The following ANO3 variants were observed in gnomAD, a reference collection of about 807,000 sequenced individuals.
ANO3 encodes anoctamin-3.
ANO3 carries 99 observed loss-of-function variants against 144.8 expected under a neutral mutation model. The observed-to-expected ratio is 0.68, with a 90% CI of 0.58 to 0.81. ANO3 has a LOEUF of 0.81. Ranked by LOEUF, ANO3 falls within the 30% of genes least tolerant of loss-of-function variation. The pLI, the probability that ANO3 is intolerant of heterozygous loss-of-function variation, is 0.00. For synonymous variants in ANO3, 414 were observed against 392.6 expected, an observed-to-expected ratio of 1.05 and a Z score of -0.64; for missense variants, 905 against 1,202.2, an observed-to-expected ratio of 0.75 and a Z score of 3.66.
At chr11:26,284,067 C>T (rs1024455284) in intron 1 of ANO3, among the ~76,000 whole-genome samples, 3 of 152,084 alleles carry the variant, frequency 2.0e-5, no homozygotes, top group African/African-American at 7.2e-5. Flanking sequence ...GAAGCACAGG[C>T]AGCTCCCAGA....
chr11:26,599,307 G>A (rs1590613767), intron 16 of ANO3, among the ~76,000 whole-genome samples: 1 of 152,270 alleles, frequency 6.6e-6, no homozygotes, highest in Admixed American at 6.5e-5. Context: ...CATTTAAGAG[G>A]ACGTTGGGAA....
At chr11:26,194,278 C>T (rs1208246890) in intron 1 of ANO3, among the ~76,000 whole-genome samples, 4 of 152,084 alleles carry the variant, frequency 2.6e-5, no homozygotes, top group Non-Finnish European at 5.9e-5. Flanking sequence ...GAATATCTGA[C>T]AGTGTGTATA....
chr11:26,271,611 T>C (rs1408076004), intron 1 of ANO3, among the ~76,000 whole-genome samples: 3 of 152,180 alleles, frequency 2.0e-5, no homozygotes. Context: ...CTGTTTTTAT[T>C]TCTTGTATAA....
At chr11:26,422,975 A>G (rs956067623) in intron 1 of ANO3, among the ~76,000 whole-genome samples, 3 of 152,004 alleles carry the variant, frequency 2.0e-5, no homozygotes, top group Non-Finnish European at 4.4e-5. Context: ...GAAAATGAAA[A>G]AGCACCGCAT....
intron 1 of ANO3, among the ~76,000 whole-genome samples, chr11:26,383,849 T>C (rs971093415): frequency 6.7e-6 from 1 of 149,408 alleles, no homozygotes; most frequent in South Asian, 2.1e-4. Context: ...ATATAGCACA[T>C]ACTTTGTGCC....
At position 26,577,331 on chromosome 11, in the gene ANO3, C is replaced by T. The variant is rs201840279; in HGVS notation, c.1447+17552C>T. On this transcript the variant is annotated intron_variant, in intron 14 of 26. Transcript: ENST00000256737. ...GTAATCCCAGCACTTTGGGAGGCTG[C>T]GGTGGGCGGATCACCTGAGGTTAAA... Among the ~76,000 whole-genome samples, 56 of 151,532 alleles carry T rather than the reference C, an allele frequency of 3.7e-4. No individual in the cohort carries two copies. In the East Asian group the frequency reaches 8.2e-3, roughly 22 times the overall value.
Position 26,565,632 on chromosome 11 carries a change from T to C in ANO3, c.1447+5853T>C, listed in dbSNP as rs146911945. On this transcript the variant is annotated intron_variant, in intron 14 of 26. Coordinates refer to ENST00000256737, the MANE Select transcript of ANO3 (RefSeq NM_031418.4). ...TATTCCGTGGCTGTTGTTGGGTAGA[T>C]TCAAAGGAGGGGAATGACTCGCCTT... 199 of 1,613,420 alleles carry C rather than the reference T, an allele frequency of 1.2e-4. No individual in the cohort carries two copies. In the African/African-American group the frequency reaches 2.4e-3, roughly 19 times the overall value.
rs1453625975 is a variant in ANO3, at chr11:26,612,193, CTGTT to C, written c.1837-12263_1837-12260del. On this transcript the variant is annotated intron_variant, in intron 17 of 26. Coordinates refer to ENST00000256737, the MANE Select transcript of ANO3 (RefSeq NM_031418.4). ...AGATCATCTGTTCCTTTCTTTGTCT[CTGTT>C]TGTTTACCTCTGTGGGTTGATGGTT... Among the ~76,000 whole-genome samples the C allele has an allele frequency of 2.0e-5, 3 of 152,016 alleles. No individual in the cohort carries two copies. The East Asian group carries it at 5.8e-4, about 29-fold the overall frequency.
intron 5 of ANO3, among the ~76,000 whole-genome samples, chr11:26,510,666 C>G (rs294019): frequency 0.99 from 150,402 of 152,238 alleles, 74,320 homozygotes; most frequent in Middle Eastern, 1. Flanking sequence ...AAGTAACAAA[C>G]TAACAAACTC....
intron 1 of ANO3, among the ~76,000 whole-genome samples, chr11:26,403,385 C>G (rs536832136): frequency 1.3e-5 from 2 of 151,970 alleles, no homozygotes; most frequent in Admixed American, 1.3e-4. Flanking sequence ...AATTGAGACT[C>G]AATTAGGTTC....
chr11:26,391,205 G>A (rs1160941049), intron 1 of ANO3, among the ~76,000 whole-genome samples: 1 of 152,084 alleles, frequency 6.6e-6, no homozygotes, highest in East Asian at 1.9e-4. Context: ...ACTCTCTGCA[G>A]AGGCTTAAGG....
rs768051767 is a variant in ANO3 at position 26,500,244 on chromosome 11, A to T, written c.433-7860A>T. Among the ~76,000 whole-genome samples the T allele has an allele frequency of 1.7e-3, 256 of 151,990 alleles. 1 individual carries two copies. The highest frequency in any genetic ancestry group is 2.9e-3 in the Non-Finnish European group (198 of 67,882). On this transcript the variant is annotated intron_variant, in intron 4 of 26. Coordinates refer to ENST00000256737, the MANE Select transcript of ANO3 (RefSeq NM_031418.4). ...TGATTTTCTTCTTTTTTTTACTATT[A>T]TGAATAATGTTTTTATGAAAATTGG...
At chr11:26,519,418 A>G (rs931766082) in intron 6 of ANO3, among the ~76,000 whole-genome samples, 1 of 152,206 alleles carries the variant, frequency 6.6e-6, no homozygotes, top group Non-Finnish European at 1.5e-5. Flanking sequence ...ATGTGATTAT[A>G]CTTTCATTTA....
At chr11:26,365,985 TATATATATATATATATA>T (rs1564984951) in intron 1 of ANO3, among the ~76,000 whole-genome samples, 12 of 1,544 alleles carry the variant, frequency 7.8e-3, no homozygotes, top group Non-Finnish European at 0.029. Flanking sequence ...TATATATATA[TATATATATATATATATA>T]TTTTAATTAT....
intron 1 of ANO3, among the ~76,000 whole-genome samples, chr11:26,409,764 G>A (rs903645792): frequency 9.9e-5 from 15 of 151,886 alleles, no homozygotes; most frequent in Non-Finnish European, 1.6e-4. Context: ...ATTAAATTGC[G>A]TGTGAGTAGG....
At chr11:26,492,308 G>C (rs1200451049) in intron 4 of ANO3, among the ~76,000 whole-genome samples, 1 of 152,120 alleles carries the variant, frequency 6.6e-6, no homozygotes, top group Non-Finnish European at 1.5e-5. Context: ...AAATGGTGAT[G>C]GCACAATCTG....
intron 14 of ANO3, among the ~76,000 whole-genome samples, chr11:26,594,876 A>G (rs1327986649): frequency 3.9e-5 from 6 of 152,156 alleles, no homozygotes; most frequent in East Asian, 3.9e-4. Context: ...ATGTTATAAT[A>G]TATACTTCCC....
intron 4 of ANO3, among the ~76,000 whole-genome samples, chr11:26,477,142 G>A (rs1326428097): frequency 1.3e-5 from 2 of 152,034 alleles, no homozygotes; most frequent in African/African-American, 4.8e-5. Flanking sequence ...GTGCATTCCA[G>A]GTACCATATG....
At chr11:26,593,898 T>C (rs1271012547) in intron 14 of ANO3, among the ~76,000 whole-genome samples, 1 of 152,188 alleles carries the variant, frequency 6.6e-6, no homozygotes, top group Non-Finnish European at 1.5e-5. Flanking sequence ...TCCTGATCTC[T>C]ATTATAAAAA....
Sources: gnomAD v4.1 joint callset for allele counts (sites outside exome capture counted in the v4.1 genomes callset) on GRCh38, gnomAD v4.1.1 for gene constraint, MANE v1.5 for transcripts, NCBI Gene and HGNC (gene_info 2026-07-23, HGNC 2026-07-21) for gene names.